Variants in NDUFB9 observed in about 807,000 individuals in gnomAD.
NDUFB9 encodes the protein NADH dehydrogenase [ubiquinone] 1 beta subcomplex subunit 9.
In NDUFB9, 24 loss-of-function variants were observed where a neutral mutation model predicts 30.2. That is an observed-to-expected ratio of 0.80 (90% confidence interval 0.58 to 1.12). The LOEUF is 1.12. Ranked by LOEUF, NDUFB9 falls within the 50% of genes most tolerant of loss-of-function variation. The pLI is 0.00. For synonymous variants in NDUFB9, 80 were observed against 84.0 expected (o/e 0.95, Z 0.26); for missense variants, 204 against 226.0 (o/e 0.90, Z 0.62).
intron 3 of NDUFB9, among the ~76,000 whole-genome samples, chr8:124,548,421 G>C (rs1822220638): frequency 6.6e-6 from 1 of 152,198 alleles, no homozygotes; most frequent in Non-Finnish European, 1.5e-5. Flanking sequence ...AGTGAAATAA[G>C]AGGAAAAGCC....
chr8:124,546,974 G>A (rs771479484), intron 2 of NDUFB9, 26 bp from the exon 3 acceptor site: 3 of 1,513,480 alleles, frequency 2.0e-6, no homozygotes, highest in Non-Finnish European at 2.8e-6. Flanking sequence ...CCTGTGGATT[G>A]ATACCATGAT....
chr8:124,544,399 TAAC>T (rs1281795198), intron 2 of NDUFB9, among the ~76,000 whole-genome samples: 2 of 152,224 alleles, frequency 1.3e-5, no homozygotes, highest in Non-Finnish European at 2.9e-5. Flanking sequence ...TGGCTATACT[TAAC>T]AACAGATTTT....
At chr8:124,542,858 A>AAGAGG (rs1822054471) in intron 1 of NDUFB9, 2 of 330,840 alleles carry the variant, frequency 6.0e-6, no homozygotes, top group Non-Finnish European at 1.1e-5. Context: ...TGTTGGATGT[A>AAGAGG]AGAGGAGAAA....
intron 3 of NDUFB9, chr8:124,547,383 C>A: frequency 1.7e-6 from 1 of 605,620 alleles, no homozygotes; most frequent in Non-Finnish European, 2.9e-6. Flanking sequence ...TGCCTTCTTG[C>A]TATACTTTCC....
intron 2 of NDUFB9, chr8:124,546,626 T>C: frequency 3.5e-6 from 1 of 287,794 alleles, no homozygotes; most frequent in South Asian, 4.0e-5. Flanking sequence ...TATAACAAAG[T>C]TCATTTTGGA....
At chr8:124,547,784 C>A (rs1822198998) in intron 3 of NDUFB9, among the ~76,000 whole-genome samples, 1 of 152,014 alleles carries the variant, frequency 6.6e-6, no homozygotes. Flanking sequence ...TTCATGACGA[C>A]CAGCCTGACT....
intron 1 of NDUFB9, among the ~76,000 whole-genome samples, chr8:124,539,699 G>A (rs1034429006): frequency 6.6e-6 from 1 of 152,124 alleles, no homozygotes; most frequent in African/African-American, 2.4e-5. Context: ...AAAACTCTAG[G>A]AGTTAGGAAT....
Position 124,541,696 on chromosome 8 carries a change from C to G in NDUFB9, c.102-1391C>G, listed in dbSNP as rs555138971. 2.0e-4 allele frequency among the ~76,000 whole-genome samples: 31 copies of G among 152,274 alleles called. No individual in the cohort carries two copies. In the East Asian group the frequency reaches 6.0e-3, roughly 29 times the overall value. Reference sequence around the variant, plus strand: ...TTGGCTCACCGCAAGTTCCGTCTCCCGGGTTCAAGCAATTCTCCTGCCTCA... The same window carrying G: ...TTGGCTCACCGCAAGTTCCGTCTCCGGGGTTCAAGCAATTCTCCTGCCTCA... On this transcript the variant is annotated intron_variant, in intron 1 of 3. Coordinates refer to ENST00000276689, the MANE Select transcript of NDUFB9 (RefSeq NM_005005.3).
Position 124,543,212 on chromosome 8 carries a change from A to G in NDUFB9, c.227A>G (p.His76Arg). 2 of 1,614,232 alleles carry G rather than the reference A, an allele frequency of 1.2e-6. No homozygotes were observed. The highest frequency in any genetic ancestry group is 2.2e-5 in the South Asian group (2 of 91,088). Residue 76 changes from histidine (H) to arginine (R), a missense_variant, in exon 2 of 4, where the codon CAT becomes CGT. Transcript: ENST00000276689. The stretch of plus-strand genomic sequence containing the variant: ...GAGGAAGAATTCTGGTACCGTCAGC[A>G]TCCACAGCCATACATCTTCCCTGAC... Reference protein sequence around the residue: ...EAEEEFWYRQHPQPYIFPDSP... With the variant: ...EAEEEFWYRQRPQPYIFPDSP...
intron 1 of NDUFB9, among the ~76,000 whole-genome samples, chr8:124,541,026 C>T (rs1167028137): frequency 1.3e-5 from 2 of 151,994 alleles, no homozygotes; most frequent in Non-Finnish European, 2.9e-5. Context: ...ATTAGCCAGG[C>T]GTGGTGGTGG....
Position 124,549,919 on chromosome 8 carries a change from T to A in NDUFB9, c.*27T>A, listed in dbSNP as rs1312921832. 6.8e-6 allele frequency: 11 copies of A among 1,613,930 alleles called. No individual in the cohort carries two copies. Among genetic ancestry groups the A allele is most frequent in the African/African-American group, 1.3e-5 (1 of 74,946 alleles). Reference sequence around the variant, plus strand: ...AAGAGAGAGACCTCATCTTTCATGCTTGCAAGTGAAATATGTTACAGAACA... The same window carrying A: ...AAGAGAGAGACCTCATCTTTCATGCATGCAAGTGAAATATGTTACAGAACA... On this transcript the variant is annotated 3_prime_UTR_variant, in exon 4 of 4. Transcript: ENST00000276689.
chr8:124,543,300 C>T (rs1277054356), intron 2 of NDUFB9, 21 bp downstream of exon 2: 2 of 1,604,434 alleles, frequency 1.2e-6, no homozygotes, highest in East Asian at 4.5e-5. Flanking sequence ...ATTATGATGA[C>T]TGCCTTCTGA....
At chr8:124,541,535 A>G (rs1223031436) in intron 1 of NDUFB9, among the ~76,000 whole-genome samples, 1 of 152,210 alleles carries the variant, frequency 6.6e-6, no homozygotes, top group South Asian at 2.1e-4. Context: ...GTTTATGACA[A>G]CCTTAAGATA....
In NDUFB9 at chr8:124,539,204, G is replaced by A; in HGVS notation, c.18G>A (p.Ser6=). ...GCGCCGTAATGGCGTTCTTGGCGTC[G>A]GGACCCTACCTGACCCATCAGCAAA... The part of the protein sequence containing the change: MAFLA[S]GPYLTHQQKV... Residue 6 remains serine, a synonymous_variant, in exon 1 of 4, where the codon TCG becomes TCA. Coordinates refer to ENST00000276689, the MANE Select transcript of NDUFB9 (RefSeq NM_005005.3). The A allele has an allele frequency of 6.2e-7, 1 of 1,614,188 alleles. No individual in the cohort carries two copies. The highest frequency in any genetic ancestry group is 1.6e-4 in the Middle Eastern group (1 of 6,062).
At chr8:124,546,847 C>G (rs1586716700) in intron 2 of NDUFB9, 153 bp from the exon 3 acceptor site, 1 of 725,480 alleles carries the variant, frequency 1.4e-6, no homozygotes, top group African/African-American at 1.7e-5. Flanking sequence ...TACTTATCCT[C>G]TGCTGTTCCT....
intron 1 of NDUFB9, among the ~76,000 whole-genome samples, chr8:124,542,326 A>G (rs577837606): frequency 1.3e-5 from 2 of 152,318 alleles, no homozygotes; most frequent in South Asian, 4.1e-4. Context: ...TGCTGGGATT[A>G]CAGGTGTGAG....
intron 3 of NDUFB9, among the ~76,000 whole-genome samples, chr8:124,548,953 C>T (rs1822242046): frequency 6.6e-6 from 1 of 152,100 alleles, no homozygotes; most frequent in South Asian, 2.1e-4. Flanking sequence ...AGTGTTTGGC[C>T]AAGGGGGACC....
intron 1 of NDUFB9, chr8:124,542,838 C>T (rs1405342206): frequency 2.4e-5 from 6 of 245,496 alleles, no homozygotes; most frequent in South Asian, 1.5e-4. Context: ...TGTTTAAATC[C>T]TCATTCCATT....
chr8:124,543,332 G>T, intron 2 of NDUFB9, 53 bp downstream of exon 2: 1 of 1,555,402 alleles, frequency 6.4e-7, no homozygotes, highest in South Asian at 1.1e-5. Flanking sequence ...TGTTTCTTCA[G>T]TCCCACACCT....
Sources: allele counts gnomAD v4.1 joint callset (sites outside exome capture counted in the v4.1 genomes callset), GRCh38; gene constraint gnomAD v4.1.1; transcripts MANE v1.5; gene names NCBI Gene and HGNC (gene_info 2026-07-23, HGNC 2026-07-21).